CELF3: variants seen among roughly 807,000 people sequenced by gnomAD.
CELF3 encodes the protein CAG repeat domain.
A neutral mutation model predicts 59.6 loss-of-function variants in CELF3; 26 were observed. That is an observed-to-expected ratio of 0.44 (90% CI 0.32 to 0.61). The LOEUF (loss-of-function observed/expected upper bound fraction) is 0.61. Among genes scored for constraint, CELF3 ranks in the 20% least tolerant of loss-of-function variants. The pLI is 0.06. For missense variants in CELF3, 387 were observed against 627.2 expected, an observed-to-expected ratio of 0.62 and a Z score of 4.09; for synonymous variants, 245 against 250.7, an observed-to-expected ratio of 0.98 and a Z score of 0.22.
At chr1:151,710,617 TCCC>T (rs753892125) in intron 2 of CELF3, 1 of 456,334 alleles carries the variant, frequency 2.2e-6, no homozygotes, top group South Asian at 1.5e-5. Flanking sequence ...TTCTCCTGCC[TCCC>T]TCCTCCAGAG....
chr1:151,713,090 T>C (rs1673163700), intron 2 of CELF3, among the ~76,000 whole-genome samples: 1 of 152,206 alleles, frequency 6.6e-6, no homozygotes, highest in Non-Finnish European at 1.5e-5. Flanking sequence ...TCTTGGAGGA[T>C]GGAACCCTCA....
At position 151,716,040 on chromosome 1, in the gene CELF3, G is replaced by C; in HGVS notation, c.-20C>G. Reference sequence around the variant, plus strand: ...CTTCATTGAGGCGGCCCAGGAGGAGGGGCCGAGGGGAGCAGGGAGAGGCCC... The same window carrying C: ...CTTCATTGAGGCGGCCCAGGAGGAGCGGCCGAGGGGAGCAGGGAGAGGCCC... On this transcript the variant is annotated 5_prime_UTR_variant, in exon 1 of 13. Coordinates refer to ENST00000290583, the MANE Select transcript of CELF3 (RefSeq NM_007185.7). The C allele has an allele frequency of 6.2e-7, 1 of 1,600,438 alleles. No homozygotes were observed. Among genetic ancestry groups the C allele is most frequent in the South Asian group, 1.1e-5 (1 of 88,544 alleles).
rs1246088853 is a variant in CELF3, at chr1:151,702,152, A to C, written c.*1307T>G. On this transcript the variant is annotated 3_prime_UTR_variant, in exon 13 of 13. Transcript: ENST00000290583. ...CCTTCAGAGGGACAGAGCTGGATAC[A>C]GGGGAGAGCCCCCGACAGGGGAGAT... is the stretch of plus-strand genomic sequence containing the variant. 2.0e-5 allele frequency among the ~76,000 whole-genome samples: 3 copies of C among 152,232 alleles called. No homozygotes were observed. Among genetic ancestry groups the C allele is most frequent in the Non-Finnish European group, 1.5e-5 (1 of 68,038 alleles).
rs1460689978 is a variant in CELF3, at chr1:151,709,134, G to A, written c.407-57C>T. ...TAAGCACCCATCCCTGCGGGACCCC[G>A]CGGTGGAACCCGATGCCTAGGGAGT... On this transcript the variant is annotated intron_variant, in intron 4 of 12. Transcript: ENST00000290583. This position sits in a 1 kb window ranked among gnomAD's most constrained non-coding sequence, Gnocchi z 4.9. 7.1e-5 allele frequency: 114 copies of A among 1,606,084 alleles called. No individual in the cohort carries two copies. The highest frequency in any genetic ancestry group is 1.7e-4 in the Middle Eastern group (1 of 6,056).
chr1:151,714,875 G>A (rs1424883339), intron 1 of CELF3, among the ~76,000 whole-genome samples, 199 bp from the exon 2 acceptor site: 4 of 152,086 alleles, frequency 2.6e-5, no homozygotes, highest in Admixed American at 2.6e-4. Context: ...CCTAAATACT[G>A]GTGGTGATGG....
intron 12 of CELF3, among the ~76,000 whole-genome samples, chr1:151,704,396 A>T (rs1476443872): frequency 6.6e-6 from 1 of 152,154 alleles, no homozygotes; most frequent in Non-Finnish European, 1.5e-5. Context: ...GAGGAGACCT[A>T]AGTAAACTTC....
At chr1:151,703,772 A>C (rs954189233) in intron 12 of CELF3, among the ~76,000 whole-genome samples, 2 of 151,492 alleles carry the variant, frequency 1.3e-5, no homozygotes, top group African/African-American at 4.9e-5. Context: ...CAGGCAGAGA[A>C]ATCGAGAGAG....
intron 5 of CELF3, 67 bp from the exon 6 acceptor site, chr1:151,708,002 G>A: frequency 3.3e-6 from 5 of 1,524,040 alleles, no homozygotes; most frequent in Non-Finnish European, 4.4e-6. Flanking sequence ...AAGCCCTCAG[G>A]ACCTGGTCTC....
At chr1:151,713,358 G>A (rs1054552158) in intron 2 of CELF3, 1 of 152,220 alleles carries the variant, frequency 6.6e-6, no homozygotes, top group Admixed American at 6.5e-5. Context: ...ACCTGCAGCT[G>A]GTACACATGA....
chr1:151,707,317 G>T, intron 7 of CELF3, 23 bp from the exon 8 acceptor site: 1 of 1,564,996 alleles, frequency 6.4e-7, no homozygotes, highest in Non-Finnish European at 8.6e-7. Flanking sequence ...AAGCGACAGG[G>T]AGAGAGCAGA....
rs951903456 is a variant in CELF3 at position 151,700,784 on chromosome 1, T to G, written c.*2675A>C. On this transcript the variant is annotated 3_prime_UTR_variant, in exon 13 of 13. Transcript: ENST00000290583. ...GCGAAAGTACTAAAAACTCTTGAGG[T>G]TTTCTGTCTATGTGACTAGAAAATA... 2.6e-5 allele frequency among the ~76,000 whole-genome samples: 4 copies of G among 152,136 alleles called. No individual in the cohort carries two copies. Among genetic ancestry groups the G allele is most frequent in the Non-Finnish European group, 5.9e-5 (4 of 68,028 alleles).
At position 151,705,722 on chromosome 1, in the gene CELF3, T is replaced by C. The variant is rs1241386818; in HGVS notation, c.1270+100A>G. ...TTTTGTACTCTTGGATAATCAGTATTTCAAATACTGGGTCCACTGTGACCA... is the reference window on the plus strand; with the variant it reads ...TTTTGTACTCTTGGATAATCAGTATCTCAAATACTGGGTCCACTGTGACCA... On this transcript the variant is annotated intron_variant, in intron 11 of 12. Coordinates refer to ENST00000290583, the MANE Select transcript of CELF3 (RefSeq NM_007185.7). The surrounding 1 kb of genome is among the most constrained non-coding windows in gnomAD (Gnocchi z 5.1). The C allele has an allele frequency of 7.5e-7, 1 of 1,332,414 alleles. No homozygotes were observed. Among genetic ancestry groups the C allele is most frequent in the Non-Finnish European group, 1.0e-6 (1 of 957,902 alleles). The allele number at this position is 1,332,414 out of a possible 1,614,324, so 82.5% of individuals were successfully genotyped here.
chr1:151,716,083 G>T lies in CELF3; in HGVS notation c.-63C>A. 5 of 1,508,416 alleles carry T rather than the reference G, an allele frequency of 3.3e-6. No individual in the cohort carries two copies. Among genetic ancestry groups the T allele is most frequent in the East Asian group, 2.3e-5 (1 of 43,694 alleles). The allele number at this position is 1,508,416 out of a possible 1,614,324, so 93.4% of individuals were successfully genotyped here. A position where few individuals can be genotyped will look rare whatever the true frequency, so the allele number is the denominator to read the frequency against. On this transcript the variant is annotated 5_prime_UTR_variant, in exon 1 of 13. Transcript: ENST00000290583. ...AGAGGCCCAAAGGCCAAGGGGAGCT[G>T]CCCAGCAAGGAGATAAGTGGTGGGG... is the stretch of plus-strand genomic sequence containing the variant.
chr1:151,714,507 T>A (rs939592), intron 2 of CELF3, 87 bp downstream of exon 2: 507,084 of 945,778 alleles, frequency 0.54, 141,437 homozygotes, highest in African/African-American at 0.79. Flanking sequence ...GAGGTGGAAA[T>A]TATGCTCAGT....
rs1672085286 is a variant in CELF3, at chr1:151,701,679, C to G, written c.*1780G>C. On this transcript the variant is annotated 3_prime_UTR_variant, in exon 13 of 13. Transcript: ENST00000290583. ...CTGTAATCTGAGCACTTCGGGAGGC[C>G]AAGGCAGGAGGTTTGCTTGAGCCCA... Among the ~76,000 whole-genome samples the G allele has an allele frequency of 6.6e-6, 1 of 151,710 alleles. No individual in the cohort carries two copies. Among genetic ancestry groups the G allele is most frequent in the South Asian group, 2.1e-4 (1 of 4,810 alleles).
At chr1:151,706,762 G>T (rs944439351) in intron 8 of CELF3, 28 bp from the exon 9 acceptor site, 1 of 1,512,968 alleles carries the variant, frequency 6.6e-7, no homozygotes, top group Non-Finnish European at 8.9e-7. Context: ...GACTATGAGC[G>T]TGGACCTGGC....
chr1:151,709,405 G>T lies in CELF3; in HGVS notation c.278-57C>A. The T allele has an allele frequency of 6.2e-7, 1 of 1,610,348 alleles. No individual in the cohort carries two copies. Among genetic ancestry groups the T allele is most frequent in the Non-Finnish European group, 8.5e-7 (1 of 1,177,676 alleles). On this transcript the variant is annotated intron_variant, in intron 3 of 12. Transcript: ENST00000290583. This position sits in a 1 kb window ranked among gnomAD's most constrained non-coding sequence, Gnocchi z 4.9. ...TCAGGGCCTCCTGGCTGCCTTCCCA[G>T]CCCTTCTTCCGCCCTTCCCTGGAGC... is the stretch of plus-strand genomic sequence containing the variant.
chr1:151,704,920 T>G, intron 12 of CELF3, 111 bp downstream of exon 12: 4 of 1,197,346 alleles, frequency 3.3e-6, no homozygotes, highest in East Asian at 2.5e-5. Flanking sequence ...AAGGGTGGGG[T>G]GGGCATCCCT....
chr1:151,703,489 C>T, intron 12 of CELF3, 41 bp from the exon 13 acceptor site: 1 of 319,608 alleles, frequency 3.1e-6, no homozygotes, highest in South Asian at 2.5e-5. Context: ...GGGAAGAGAC[C>T]CCCGATGCGG....
Sources: allele counts gnomAD v4.1 joint callset (sites outside exome capture counted in the v4.1 genomes callset), GRCh38; gene constraint gnomAD v4.1.1; non-coding constraint Gnocchi (gnomAD v3.1); transcripts MANE v1.5; gene names NCBI Gene and HGNC (gene_info 2026-07-23, HGNC 2026-07-21).